RMDN2: variants seen among roughly 807,000 people sequenced by gnomAD.
RMDN2 encodes the protein regulator of microtubule dynamics protein 2.
In RMDN2, 61 loss-of-function variants were observed where a neutral mutation model predicts 52.8. The observed-to-expected ratio is 1.16, with a 90% CI of 0.94 to 1.43. The LOEUF (loss-of-function observed/expected upper bound fraction) is 1.43, where lower values mean the gene tolerates loss of function less well. Ranked by LOEUF, RMDN2 falls within the 40% of genes most tolerant of loss-of-function variation. RMDN2 has a pLI of 0.00. For missense variants in RMDN2, 592 were observed against 475.3 expected (o/e 1.25, Z -2.28); for synonymous variants, 180 against 153.1 (o/e 1.18, Z -1.30).
chr2:37,971,814 C>G (rs1367181507), intron 2 of RMDN2, among the ~76,000 whole-genome samples: 1 of 152,160 alleles, frequency 6.6e-6, no homozygotes, highest in African/African-American at 2.4e-5. Context: ...TTTAAGAGTG[C>G]TTTGGCTGTC....
chr2:38,010,205 G>C (rs143907277), intron 10 of RMDN2, among the ~76,000 whole-genome samples: 1 of 152,230 alleles, frequency 6.6e-6, no homozygotes, highest in Admixed American at 6.5e-5. Context: ...ATCTCCAGCT[G>C]CGTGCTGGGA....
intron 10 of RMDN2, chr2:38,039,385 G>A (rs1680814491): frequency 6.6e-6 from 1 of 151,950 alleles, no homozygotes; most frequent in African/African-American, 2.4e-5. Flanking sequence ...GTTCTTCCTG[G>A]GCACCCCCAG....
At chr2:37,985,881 A>G (rs1673941848) in intron 5 of RMDN2, among the ~76,000 whole-genome samples, 1 of 152,188 alleles carries the variant, frequency 6.6e-6, no homozygotes, top group Non-Finnish European at 1.5e-5. Flanking sequence ...ATTTTAGTTA[A>G]TAGTGTATTA....
intron 10 of RMDN2, among the ~76,000 whole-genome samples, chr2:38,044,972 T>C (rs1681182801): frequency 1.3e-5 from 2 of 152,080 alleles, no homozygotes; most frequent in Non-Finnish European, 2.9e-5. Flanking sequence ...TGGTGTAATA[T>C]AGCCCCATGC....
chr2:37,975,457 A>G (rs878957734), intron 4 of RMDN2, 143 bp downstream of exon 4: 2 of 528,176 alleles, frequency 3.8e-6, no homozygotes, highest in South Asian at 4.1e-5. Flanking sequence ...TAACACAAGA[A>G]CAGAAAACCA....
intron 8 of RMDN2, among the ~76,000 whole-genome samples, chr2:38,000,361 T>C (rs561133071): frequency 4.6e-5 from 7 of 152,226 alleles, no homozygotes; most frequent in Non-Finnish European, 8.8e-5. Flanking sequence ...TTATAAGCAA[T>C]AAATTGTACC....
intron 4 of RMDN2, among the ~76,000 whole-genome samples, chr2:37,979,465 T>C (rs571408585): frequency 8.5e-5 from 13 of 152,224 alleles, no homozygotes; most frequent in Non-Finnish European, 1.9e-4. Context: ...GCAGAAGATT[T>C]CTTCTCATAA....
intron 7 of RMDN2, 121 bp downstream of exon 7, chr2:37,991,418 A>T: frequency 2.7e-6 from 1 of 371,752 alleles, no homozygotes; most frequent in Non-Finnish European, 4.8e-6. Context: ...TTATAATAGC[A>T]ATAAAATTTT....
At chr2:38,022,406 G>A (rs770663388), downstream of RMDN2, among the ~76,000 whole-genome samples, 13 of 152,204 alleles carry the variant, frequency 8.5e-5, no homozygotes, top group Admixed American at 3.9e-4. Flanking sequence ...AATAGCTGCA[G>A]AGTGTTCCTG....
At chr2:38,037,824 A>G (rs1396616395) in intron 10 of RMDN2, among the ~76,000 whole-genome samples, 1 of 152,208 alleles carries the variant, frequency 6.6e-6, no homozygotes, top group Non-Finnish European at 1.5e-5. Flanking sequence ...CAAGGCCGTG[A>G]TGCCCATTTT....
intron 10 of RMDN2, among the ~76,000 whole-genome samples, chr2:38,059,273 C>T (rs188120214): frequency 5.3e-5 from 8 of 152,232 alleles, no homozygotes; most frequent in African/African-American, 1.9e-4. Context: ...CTACATTGTA[C>T]AGCACAGGTC....
At chr2:38,009,271 G>T (rs944556687) in intron 10 of RMDN2, among the ~76,000 whole-genome samples, 2 of 152,178 alleles carry the variant, frequency 1.3e-5, no homozygotes, top group African/African-American at 4.8e-5. Context: ...GATTGGGGAA[G>T]TTCTCCTGGA....
chr2:37,996,973 G>A (rs542013001), intron 7 of RMDN2, among the ~76,000 whole-genome samples: 187 of 152,232 alleles, frequency 1.2e-3, no homozygotes, highest in African/African-American at 4.4e-3. Context: ...AGGCCAGTTG[G>A]CAGCATGGAG....
At chr2:38,044,052 A>G (rs1354850745) in intron 10 of RMDN2, among the ~76,000 whole-genome samples, 2 of 152,014 alleles carry the variant, frequency 1.3e-5, no homozygotes, top group African/African-American at 4.8e-5. Flanking sequence ...TGACTTTGCA[A>G]TAGATGTTAA....
intron 8 of RMDN2, among the ~76,000 whole-genome samples, chr2:38,000,908 G>C (rs1676232928): frequency 6.6e-6 from 1 of 152,216 alleles, no homozygotes; most frequent in African/African-American, 2.4e-5. Flanking sequence ...GTTGATCAGT[G>C]TTTTTAAAGA....
chr2:38,047,360 A>T (rs1681334420), intron 10 of RMDN2, among the ~76,000 whole-genome samples: 1 of 152,248 alleles, frequency 6.6e-6, no homozygotes, highest in African/African-American at 2.4e-5. Flanking sequence ...AAACAGTAGA[A>T]ATAATACAAA....
intron 10 of RMDN2, among the ~76,000 whole-genome samples, chr2:38,054,515 A>G (rs935601902): frequency 9.9e-5 from 15 of 152,212 alleles, no homozygotes; most frequent in African/African-American, 3.6e-4. Context: ...TAAAAAATAT[A>G]CCCCAAATTC....
At chr2:38,003,588 A>ATAGG (rs1171822418) in intron 8 of RMDN2, among the ~76,000 whole-genome samples, 5 of 151,806 alleles carry the variant, frequency 3.3e-5, no homozygotes, top group Admixed American at 6.6e-5. Context: ...AGATAGATAG[A>ATAGG]TAGATAGATA....
chr2:37,954,278 C>T (rs1345342758), intron 2 of RMDN2, among the ~76,000 whole-genome samples: 1 of 151,948 alleles, frequency 6.6e-6, no homozygotes, highest in Non-Finnish European at 1.5e-5. Context: ...TTGCCAAATC[C>T]ACTGTTGTGA....
Sources: gnomAD v4.1 joint callset for allele counts (sites outside exome capture counted in the v4.1 genomes callset) on GRCh38, gnomAD v4.1.1 for gene constraint, MANE v1.5 for transcripts, NCBI Gene and HGNC (gene_info 2026-07-23, HGNC 2026-07-21) for gene names.